RSRC1: variants seen among roughly 807,000 people sequenced by gnomAD.
The protein encoded by RSRC1 is serine/Arginine-related protein 53.
In RSRC1, 39 loss-of-function variants were observed where a neutral mutation model predicts 49.1. That is an observed-to-expected ratio of 0.79 (90% confidence interval 0.61 to 1.04). The LOEUF is 1.04. Among genes scored for constraint, RSRC1 ranks in the 50% least tolerant of loss-of-function variants. The pLI, the probability that RSRC1 is intolerant of heterozygous loss-of-function variation, is 0.00. For synonymous variants in RSRC1, 143 were observed against 130.8 expected, an observed-to-expected ratio of 1.09 and a Z score of -0.63; for missense variants, 388 against 402.4, an observed-to-expected ratio of 0.96 and a Z score of 0.31.
intron 5 of RSRC1, among the ~76,000 whole-genome samples, chr3:158,334,481 G>C (rs1363329202): frequency 2.2e-5 from 2 of 91,988 alleles, no homozygotes; most frequent in Non-Finnish European, 4.2e-5. Flanking sequence ...TTTCTAACAG[G>C]AGAATTTTTT....
At chr3:158,475,725 TC>T (rs1316056638) in intron 7 of RSRC1, among the ~76,000 whole-genome samples, 19 of 37,004 alleles carry the variant, frequency 5.1e-4, no homozygotes, top group Non-Finnish European at 7.0e-4. Flanking sequence ...TGGCTATTCC[TC>T]TCTCTCTCTC....
At chr3:158,476,695 T>G (rs1387290056) in intron 7 of RSRC1, among the ~76,000 whole-genome samples, 4 of 152,142 alleles carry the variant, frequency 2.6e-5, no homozygotes, top group African/African-American at 9.7e-5. Context: ...TAATGCACAT[T>G]GACATGTACA....
intron 6 of RSRC1, among the ~76,000 whole-genome samples, chr3:158,407,270 TA>T (rs1341873510): frequency 6.6e-6 from 1 of 152,174 alleles, no homozygotes. Context: ...AAAATGGGAC[TA>T]AAAAATGACT....
At position 158,544,273 on chromosome 3, in the gene RSRC1, T is replaced by C; in HGVS notation, c.1003T>C (p.Ter335GlnextTer5). ...AAGACTAATGGGCAGTCCTGTGGCC[T>C]AAGTAATATACATATAGTTGGATTG... Reference protein sequence around the residue: ...QERLMGSPVA* With the variant: ...QERLMGSPVAQ The change falls in exon 10 of 10, where the codon TAA becomes CAA. Residue 335 changes from the stop codon to glutamine (Q), a stop_lost. Coordinates refer to ENST00000611884, the MANE Select transcript of RSRC1 (RefSeq NM_001271838.2). The C allele has an allele frequency of 1.3e-6, 2 of 1,587,648 alleles. No individual in the cohort carries two copies. The highest frequency in any genetic ancestry group is 1.7e-6 in the Non-Finnish European group (2 of 1,157,852).
chr3:158,231,093 C>G (rs770764580), intron 4 of RSRC1, among the ~76,000 whole-genome samples: 4 of 110,808 alleles, frequency 3.6e-5, no homozygotes, highest in Non-Finnish European at 7.8e-5. Flanking sequence ...ATCTGTTGTC[C>G]TATTTCTTGG....
At chr3:158,297,921 G>A (rs1216207930) in intron 4 of RSRC1, 118 bp from the exon 5 acceptor site, 3 of 729,006 alleles carry the variant, frequency 4.1e-6, no homozygotes, top group Admixed American at 4.8e-5. Flanking sequence ...ACAGTGTTAT[G>A]AACATAAGTA....
At chr3:158,356,400 C>T (rs1731160387) in intron 6 of RSRC1, among the ~76,000 whole-genome samples, 1 of 151,928 alleles carries the variant, frequency 6.6e-6, no homozygotes, top group African/African-American at 2.4e-5. Flanking sequence ...TTGGGAACTC[C>T]AGTATGATCG....
intron 3 of RSRC1, among the ~76,000 whole-genome samples, chr3:158,192,707 C>A (rs1173275595): frequency 6.6e-6 from 1 of 151,958 alleles, no homozygotes; most frequent in South Asian, 2.1e-4. Flanking sequence ...CATATGTCCC[C>A]CAAATATTTC....
intron 6 of RSRC1, among the ~76,000 whole-genome samples, chr3:158,441,507 A>G (rs1736378615): frequency 1.3e-5 from 2 of 152,078 alleles, no homozygotes; most frequent in Non-Finnish European, 2.9e-5. Context: ...GAGGCCCATA[A>G]TAACATGATT....
chr3:158,284,470 T>C (rs1726385601), intron 4 of RSRC1, among the ~76,000 whole-genome samples: 1 of 149,216 alleles, frequency 6.7e-6, no homozygotes, highest in South Asian at 2.1e-4. Flanking sequence ...ATCGCCACAC[T>C]GACTTCCACC....
chr3:158,213,142 A>G (rs903343654), intron 4 of RSRC1, among the ~76,000 whole-genome samples: 1 of 151,970 alleles, frequency 6.6e-6, no homozygotes, highest in African/African-American at 2.4e-5. Flanking sequence ...TTATTTTTAT[A>G]TCCTAATGTG....
At chr3:158,463,658 A>G (rs1389839973) in intron 7 of RSRC1, among the ~76,000 whole-genome samples, 2 of 152,168 alleles carry the variant, frequency 1.3e-5, no homozygotes, top group African/African-American at 2.4e-5. Flanking sequence ...TTGTATTAGC[A>G]TAGCAAGATC....
chr3:158,304,903 A>T (rs1307667958), intron 5 of RSRC1, among the ~76,000 whole-genome samples: 2 of 152,146 alleles, frequency 1.3e-5, no homozygotes, highest in African/African-American at 4.8e-5. Flanking sequence ...GTGCAAATTA[A>T]AATATCTTTA....
At chr3:158,428,421 A>C (rs1401378770) in intron 6 of RSRC1, among the ~76,000 whole-genome samples, 1 of 151,810 alleles carries the variant, frequency 6.6e-6, no homozygotes, top group East Asian at 2.0e-4. Flanking sequence ...GAGCTGAACA[A>C]CCTGACTCTG....
chr3:158,473,692 T>A (rs970960334), intron 7 of RSRC1, among the ~76,000 whole-genome samples: 15 of 152,118 alleles, frequency 9.9e-5, no homozygotes, highest in African/African-American at 3.4e-4. Context: ...AATGTCCTTT[T>A]TTCACCTATG....
At chr3:158,248,200 G>A (rs1452282079) in intron 4 of RSRC1, among the ~76,000 whole-genome samples, 1 of 152,150 alleles carries the variant, frequency 6.6e-6, no homozygotes, top group African/African-American at 2.4e-5. Flanking sequence ...TGCCTGCCTA[G>A]CCTAGGTTAA....
At chr3:158,195,739 A>G (rs886855137) in intron 3 of RSRC1, among the ~76,000 whole-genome samples, 16 of 152,146 alleles carry the variant, frequency 1.1e-4, no homozygotes, top group Non-Finnish European at 1.8e-4. Flanking sequence ...TTCCAGCACC[A>G]TTTATTAAAT....
intron 6 of RSRC1, among the ~76,000 whole-genome samples, chr3:158,432,470 C>A (rs1286464104): frequency 6.6e-6 from 1 of 151,880 alleles, no homozygotes; most frequent in East Asian, 2.0e-4. Context: ...TGCTTCCTGG[C>A]AGCCATTGTC....
intron 7 of RSRC1, among the ~76,000 whole-genome samples, chr3:158,526,456 C>T (rs2108495138): frequency 6.6e-6 from 1 of 152,008 alleles, no homozygotes; most frequent in South Asian, 2.1e-4. Context: ...CATGCTAAGG[C>T]ACTTGCAAAC....
Sources: allele counts gnomAD v4.1 joint callset (sites outside exome capture counted in the v4.1 genomes callset), GRCh38; gene constraint gnomAD v4.1.1; transcripts MANE v1.5; gene names NCBI Gene and HGNC (gene_info 2026-07-23, HGNC 2026-07-21).